Variants in ARRB1 observed in about 807,000 individuals in gnomAD.
ARRB1 encodes arrestin beta 1, also known as beta-arrestin-1.
A neutral mutation model predicts 56.8 loss-of-function variants in ARRB1; 21 were observed. The observed-to-expected ratio is 0.37, with a 90% confidence interval of 0.26 to 0.53. The LOEUF is 0.53. Ranked by LOEUF, ARRB1 falls within the 20% of genes least tolerant of loss-of-function variation. The probability of loss-of-function intolerance (pLI) is 0.88; values close to 1 mark genes in which losing one functional copy is unlikely to be tolerated. For synonymous variants in ARRB1, 210 were observed against 218.6 expected, an observed-to-expected ratio of 0.96 and a Z score of 0.35; for missense variants, 424 against 553.7, an observed-to-expected ratio of 0.77 and a Z score of 2.35.
intron 1 of ARRB1, among the ~76,000 whole-genome samples, chr11:75,296,206 A>G (rs980707098): frequency 2.0e-5 from 3 of 151,784 alleles, no homozygotes; most frequent in Non-Finnish European, 2.9e-5. Context: ...AAAAAAAAAA[A>G]AGAGTATTAT....
chr11:75,334,261 C>T (rs1048932559), intron 1 of ARRB1, among the ~76,000 whole-genome samples: 7 of 149,518 alleles, frequency 4.7e-5, no homozygotes, highest in East Asian at 2.0e-4. Context: ...TGAGATAGCA[C>T]CACTGCACTC....
chr11:75,287,050 C>T (rs1336772875), intron 3 of ARRB1, among the ~76,000 whole-genome samples: 5 of 152,128 alleles, frequency 3.3e-5, no homozygotes, highest in South Asian at 2.1e-4. Flanking sequence ...TAGTAAGTGG[C>T]GGTGTCTGTC....
intron 1 of ARRB1, among the ~76,000 whole-genome samples, chr11:75,340,035 C>G (rs1947670804): frequency 6.6e-6 from 1 of 152,228 alleles, no homozygotes; most frequent in Non-Finnish European, 1.5e-5. Context: ...AATCCCCTTC[C>G]CACTCGGAGA....
Position 75,278,644 on chromosome 11 carries a change from T to C in ARRB1, c.583A>G (p.Lys195Glu). 1 of 1,614,184 alleles carries C rather than the reference T, an allele frequency of 6.2e-7. No homozygotes were observed. The highest frequency in any genetic ancestry group is 8.5e-7 in the Non-Finnish European group (1 of 1,180,026). The part of the protein sequence containing the change: ...ETTRQFLMSD[K>E]PLHLEASLDK... ...AGAGAGGCTTCTAGGTGCAAGGGCT[T>C]GTCCGACATGAGGAACTGCCTGGTG... Residue 195 changes from lysine to glutamate, a missense_variant, in exon 8 of 16, where the codon AAG (lysine) becomes GAG (glutamate). Lys to Glu is a moderately conservative substitution (Grantham distance 56). Coordinates refer to ENST00000420843, the MANE Select transcript of ARRB1 (RefSeq NM_004041.5).
At chr11:75,330,972 C>T (rs1223694060) in intron 1 of ARRB1, among the ~76,000 whole-genome samples, 1 of 152,232 alleles carries the variant, frequency 6.6e-6, no homozygotes, top group Non-Finnish European at 1.5e-5. Flanking sequence ...ACAGCTCCTG[C>T]AGCACTTGCA....
chr11:75,312,428 C>G (rs1947182174), intron 1 of ARRB1, among the ~76,000 whole-genome samples: 1 of 152,128 alleles, frequency 6.6e-6, no homozygotes, highest in Non-Finnish European at 1.5e-5. Context: ...GACAAAGGCC[C>G]CAGGAGAGGA....
At chr11:75,280,942 G>GC in intron 7 of ARRB1, 133 bp downstream of exon 7, 1 of 1,049,696 alleles carries the variant, frequency 9.5e-7, no homozygotes, top group South Asian at 1.5e-5. Context: ...CTTCCAGAGT[G>GC]CCCTTCCAAG....
rs1947448898 is a variant in ARRB1 at position 75,327,160 on chromosome 11, GGC to G, written c.20+24426_20+24427del. Among the ~76,000 whole-genome samples, 6 of 151,750 alleles carry G rather than the reference GGC, an allele frequency of 4.0e-5. No individual in the cohort carries two copies. The South Asian group carries it at 1.2e-3, about 32-fold the overall frequency. On this transcript the variant is annotated intron_variant, in intron 1 of 15. Transcript: ENST00000420843. ...TACTAAAAATACAAAAAATTAGCTG[GGC>G]GCAGTGGCGGGTGCCTGTAGTCCCA...
chr11:75,290,468 G>T (rs1047478436), intron 1 of ARRB1, among the ~76,000 whole-genome samples: 12 of 152,020 alleles, frequency 7.9e-5, no homozygotes, highest in Non-Finnish European at 1.0e-4. Flanking sequence ...TTCCCACCTC[G>T]GGGACAGTTC....
At chr11:75,317,712 A>C (rs572740459) in intron 1 of ARRB1, among the ~76,000 whole-genome samples, 21 of 152,188 alleles carry the variant, frequency 1.4e-4, no homozygotes, top group African/African-American at 4.8e-4. Context: ...GTCACTCCAC[A>C]CTCGCCTGTG....
At position 75,284,616 on chromosome 11, in the gene ARRB1, A is replaced by G. The variant is rs143467710; in HGVS notation, c.113-337T>C. ...TAGAAATTGCGAAGTATAGAGAGGC[A>G]AAATGGGCCGGGCGTGGTGGGTCAT... On this transcript the variant is annotated intron_variant, in intron 3 of 15. Coordinates refer to ENST00000420843, the MANE Select transcript of ARRB1 (RefSeq NM_004041.5). Among the ~76,000 whole-genome samples, 50 of 152,290 alleles carry G rather than the reference A, an allele frequency of 3.3e-4. 1 individual carries two copies. In the East Asian group the frequency reaches 8.3e-3, roughly 25 times the overall value.
At chr11:75,347,484 G>A (rs1350544264) in intron 1 of ARRB1, among the ~76,000 whole-genome samples, 4 of 152,334 alleles carry the variant, frequency 2.6e-5, no homozygotes, top group African/African-American at 9.6e-5. Context: ...AGTCCCTCCT[G>A]TTGTCTAAAT....
intron 1 of ARRB1, among the ~76,000 whole-genome samples, chr11:75,303,115 C>T (rs1056697811): frequency 6.6e-6 from 1 of 152,084 alleles, no homozygotes; most frequent in African/African-American, 2.4e-5. Flanking sequence ...AATTCTCCTG[C>T]CTCAGCCTCC....
At chr11:75,285,221 T>C (rs12418472) in intron 3 of ARRB1, among the ~76,000 whole-genome samples, 14 of 152,266 alleles carry the variant, frequency 9.2e-5, no homozygotes, top group Admixed American at 9.2e-4. Flanking sequence ...TGGGTACATG[T>C]GTGAATGTGC....
intron 1 of ARRB1, among the ~76,000 whole-genome samples, chr11:75,325,757 G>A (rs372249925): frequency 2.6e-5 from 4 of 152,182 alleles, no homozygotes; most frequent in African/African-American, 7.2e-5. Flanking sequence ...CCCAAACCAG[G>A]CTTGGCCATT....
chr11:75,322,422 C>T (rs1204855531), intron 1 of ARRB1, among the ~76,000 whole-genome samples: 1 of 152,220 alleles, frequency 6.6e-6, no homozygotes, highest in Non-Finnish European at 1.5e-5. Context: ...AGGAGAATCG[C>T]TTGTACCCAG....
At chr11:75,337,298 C>T (rs149681214) in intron 1 of ARRB1, among the ~76,000 whole-genome samples, 5 of 152,244 alleles carry the variant, frequency 3.3e-5, no homozygotes, top group Non-Finnish European at 4.4e-5. Context: ...AAAAAATCTT[C>T]GAGGCTGCAG....
intron 1 of ARRB1, among the ~76,000 whole-genome samples, chr11:75,299,335 C>G (rs1946840402): frequency 6.6e-6 from 1 of 151,736 alleles, no homozygotes; most frequent in Non-Finnish European, 1.5e-5. Context: ...CACCCACACG[C>G]TTCTTTATAC....
At chr11:75,316,808 C>G (rs1947273512) in intron 1 of ARRB1, among the ~76,000 whole-genome samples, 1 of 152,180 alleles carries the variant, frequency 6.6e-6, no homozygotes, top group Non-Finnish European at 1.5e-5. Flanking sequence ...TGGCTCACGC[C>G]TGTAATCCCA....
Sources: gnomAD v4.1 joint callset for allele counts (sites outside exome capture counted in the v4.1 genomes callset) on GRCh38, gnomAD v4.1.1 for gene constraint, MANE v1.5 for transcripts, NCBI Gene and HGNC (gene_info 2026-07-23, HGNC 2026-07-21) for gene names.